FAM168B: variants seen among roughly 807,000 people sequenced by gnomAD.
The protein encoded by FAM168B is myelin-associated neurite-outgrowth inhibitor.
FAM168B carries 19 observed loss-of-function variants against 21.8 expected under a neutral mutation model. That is an observed-to-expected ratio of 0.87 (90% CI 0.61 to 1.28). The LOEUF is 1.28. FAM168B is among the 50% of genes most tolerant of loss of function. The pLI, the probability that FAM168B is intolerant of heterozygous loss-of-function variation, is 0.00. For synonymous variants in FAM168B, 126 were observed against 104.8 expected (o/e 1.20, Z -1.24); for missense variants, 233 against 263.1 (o/e 0.89, Z 0.79).
chr2:131,064,836 A>G (rs1692476381), intron 3 of FAM168B, among the ~76,000 whole-genome samples: 1 of 152,246 alleles, frequency 6.6e-6, no homozygotes, highest in South Asian at 2.1e-4. Context: ...AGAGATCACC[A>G]GGAAAACAAC....
chr2:131,091,457 G>A (rs1694025388), intron 1 of FAM168B, among the ~76,000 whole-genome samples: 1 of 151,660 alleles, frequency 6.6e-6, no homozygotes, highest in African/African-American at 2.4e-5. Flanking sequence ...ACCAGACTGG[G>A]CAACATGGTA....
rs538688830 is a variant in FAM168B at position 131,073,385 on chromosome 2, G to A, written c.71-1447C>T. Among the ~76,000 whole-genome samples, 8 of 152,220 alleles carry A rather than the reference G, an allele frequency of 5.3e-5. No individual in the cohort carries two copies. In the South Asian group the frequency reaches 1.5e-3, roughly 28 times the overall value. ...GGGTATTACCGGCATGAGTTACCAC[G>A]CCTTGCCATATTTTGATGTTCTGAT... is the stretch of plus-strand genomic sequence containing the variant. On this transcript the variant is annotated intron_variant, in intron 2 of 6. Transcript: ENST00000389915.
At chr2:131,065,092 G>A (rs1011948594) in intron 3 of FAM168B, among the ~76,000 whole-genome samples, 5 of 152,188 alleles carry the variant, frequency 3.3e-5, no homozygotes, top group African/African-American at 9.6e-5. Context: ...AAGGAAGGTC[G>A]GGGCAGCAAA....
chr2:131,055,387 C>G lies in FAM168B; in HGVS notation c.360G>C (p.Thr120=). The part of the protein sequence containing the change: ...AAPPHVIHHT[T]VVQPNGMPAT... ...CAGGCATGCCGTTGGGCTGCACCAC[C>G]GTGGTGTGGTGGATGACGTGAGGAG... Residue 120 remains threonine (T), a synonymous_variant, in exon 5 of 7, where the codon ACG becomes ACC. Coordinates refer to ENST00000389915, the MANE Select transcript of FAM168B (RefSeq NM_001009993.4). 6.2e-7 allele frequency: 1 copy of G among 1,605,270 alleles called. No individual in the cohort carries two copies. Among genetic ancestry groups the G allele is most frequent in the Middle Eastern group, 1.7e-4 (1 of 6,000 alleles).
intron 1 of FAM168B, among the ~76,000 whole-genome samples, chr2:131,086,153 C>G (rs1378128950): frequency 6.6e-6 from 1 of 152,198 alleles, no homozygotes; most frequent in Non-Finnish European, 1.5e-5. Context: ...GGCGGATCTG[C>G]AACCAAGAAA....
chr2:131,080,039 C>A (rs559963227), intron 2 of FAM168B, among the ~76,000 whole-genome samples: 1 of 151,648 alleles, frequency 6.6e-6, no homozygotes, highest in East Asian at 2.0e-4. Context: ...ATCACCTGAA[C>A]GCGGGAGGCA....
At chr2:131,092,987 G>T (rs1017759067) in intron 1 of FAM168B, among the ~76,000 whole-genome samples, 2 of 151,768 alleles carry the variant, frequency 1.3e-5, no homozygotes, top group Non-Finnish European at 2.9e-5. Flanking sequence ...CCACCTAGGC[G>T]GCAGGCCCGC....
intron 3 of FAM168B, among the ~76,000 whole-genome samples, chr2:131,069,499 GT>G (rs1156658951): frequency 2.7e-4 from 39 of 146,268 alleles, no homozygotes; most frequent in Admixed American, 3.4e-4. Context: ...TTTCTCTTTT[GT>G]TTTTTTTTTT....
chr2:131,050,252 T>C lies in FAM168B; in HGVS notation c.*2213A>G, dbSNP rs970060659. On this transcript the variant is annotated 3_prime_UTR_variant, in exon 7 of 7. Coordinates refer to ENST00000389915, the MANE Select transcript of FAM168B (RefSeq NM_001009993.4). ...CCCAAGACTCCAGCCCTCACAGGAGTTGTACATGTATGTTTCCATTTTGTT... is the reference window on the plus strand; with the variant it reads ...CCCAAGACTCCAGCCCTCACAGGAGCTGTACATGTATGTTTCCATTTTGTT... 8.1e-6 allele frequency: 8 copies of C among 985,276 alleles called. No homozygotes were observed. Among genetic ancestry groups the C allele is most frequent in the Admixed American group, 1.2e-4 (2 of 16,262 alleles). 61.0% of individuals were successfully genotyped at this position (985,276 alleles called of 1,614,324 possible).
intron 2 of FAM168B, among the ~76,000 whole-genome samples, chr2:131,075,802 A>G (rs1289874845): frequency 6.6e-6 from 1 of 152,072 alleles, no homozygotes; most frequent in African/African-American, 2.4e-5. Flanking sequence ...AGTTTCTAAC[A>G]AGAAGTTAAC....
Position 131,091,920 on chromosome 2 carries a change from G to C in FAM168B, c.-12+1294C>G, listed in dbSNP as rs530121208. On this transcript the variant is annotated intron_variant, in intron 1 of 6. Transcript: ENST00000389915. The stretch of plus-strand genomic sequence containing the variant: ...CGAGGCGGGCGGATCACGAGGTCAG[G>C]AGATTGGGACCATCCTGGCTAACAC... Among the ~76,000 whole-genome samples the C allele has an allele frequency of 3.3e-5, 5 of 151,194 alleles. No individual in the cohort carries two copies. The East Asian group carries it at 5.8e-4, about 18-fold the overall frequency.
Position 131,050,465 on chromosome 2 carries a change from C to T in FAM168B, c.*2000G>A. The T allele has an allele frequency of 1.0e-6, 1 of 985,800 alleles. No homozygotes were observed. The highest frequency in any genetic ancestry group is 1.7e-5 in the African/African-American group (1 of 57,336). The allele number at this position is 985,800 out of a possible 1,614,324, so 61.1% of individuals were successfully genotyped here. A position where few individuals can be genotyped will look rare whatever the true frequency, so the allele number is the denominator to read the frequency against. Reference sequence around the variant, plus strand: ...ACCAACAGAGACTTGAAGAAAGGGGCACAAACTGTGTGCCTGCGGTAAATG... The same window carrying T: ...ACCAACAGAGACTTGAAGAAAGGGGTACAAACTGTGTGCCTGCGGTAAATG... On this transcript the variant is annotated 3_prime_UTR_variant, in exon 7 of 7. Transcript: ENST00000389915.
At chr2:131,065,951 T>G (rs1692535932) in intron 3 of FAM168B, among the ~76,000 whole-genome samples, 1 of 152,202 alleles carries the variant, frequency 6.6e-6, no homozygotes, top group South Asian at 2.1e-4. Context: ...TAAATGCATG[T>G]GTACCTGTAC....
intron 2 of FAM168B, among the ~76,000 whole-genome samples, chr2:131,076,729 C>A (rs544670944): frequency 6.6e-6 from 1 of 150,430 alleles, no homozygotes; most frequent in Non-Finnish European, 1.5e-5. Flanking sequence ...CATAGTTAAG[C>A]AAAAGGACAA....
chr2:131,077,005 C>T (rs960010519), intron 2 of FAM168B, among the ~76,000 whole-genome samples: 1 of 152,040 alleles, frequency 6.6e-6, no homozygotes, highest in Non-Finnish European at 1.5e-5. Flanking sequence ...CTAACAATCA[C>T]ATGTGCATTT....
In FAM168B at chr2:131,052,131, C is replaced by A. The variant is rs1691714905; in HGVS notation, c.*334G>T. 1.0e-6 allele frequency: 1 copy of A among 985,780 alleles called. No individual in the cohort carries two copies. Among genetic ancestry groups the A allele is most frequent in the Non-Finnish European group, 1.2e-6 (1 of 829,938 alleles). 61.1% of individuals were successfully genotyped at this position (985,780 alleles called of 1,614,324 possible). A position where few individuals can be genotyped will look rare whatever the true frequency, so the allele number is the denominator to read the frequency against. On this transcript the variant is annotated 3_prime_UTR_variant, in exon 7 of 7. Transcript: ENST00000389915. Reference sequence around the variant, plus strand: ...TATGATGGTTTTGCATCAGTCACTGCAGGTAGATTGAGCAAGCTTTTTGTG... The same window carrying A: ...TATGATGGTTTTGCATCAGTCACTGAAGGTAGATTGAGCAAGCTTTTTGTG...
At chr2:131,083,227 G>C (rs1279657282) in intron 1 of FAM168B, among the ~76,000 whole-genome samples, 1 of 152,158 alleles carries the variant, frequency 6.6e-6, no homozygotes. Context: ...GGTGGCGCGT[G>C]CCTGTAATCC....
chr2:131,077,879 C>CA (rs1486173348), intron 2 of FAM168B, among the ~76,000 whole-genome samples: 2 of 152,152 alleles, frequency 1.3e-5, no homozygotes, highest in Non-Finnish European at 2.9e-5. Flanking sequence ...GTGTAAGAGA[C>CA]AAAGATCAGG....
chr2:131,085,782 G>C (rs1693664698), intron 1 of FAM168B, among the ~76,000 whole-genome samples: 1 of 152,202 alleles, frequency 6.6e-6, no homozygotes, highest in Admixed American at 6.5e-5. Flanking sequence ...ACAGCTACGT[G>C]ATAGGTCTTG....
Sources: gnomAD v4.1 joint callset for allele counts (sites outside exome capture counted in the v4.1 genomes callset) on GRCh38, gnomAD v4.1.1 for gene constraint, MANE v1.5 for transcripts, NCBI Gene and HGNC (gene_info 2026-07-23, HGNC 2026-07-21) for gene names.